Variants in L3MBTL4 observed in about 807,000 individuals in gnomAD.
The protein encoded by L3MBTL4 is L3MBTL histone methyl-lysine binding protein 4, also known as lethal(3)malignant brain tumor-like protein 4.
Under a neutral mutation model 84.5 loss-of-function variants are expected in L3MBTL4, and 70 were observed. That is an observed-to-expected ratio of 0.83 (90% confidence interval 0.68 to 1.01). L3MBTL4 has a LOEUF of 1.01. Among genes scored for constraint, L3MBTL4 ranks in the 50% least tolerant of loss-of-function variants. L3MBTL4 has a pLI of 0.00. For synonymous variants in L3MBTL4, 274 were observed against 259.8 expected (o/e 1.05, Z -0.52); for missense variants, 715 against 754.8 (o/e 0.95, Z 0.62).
chr18:5,965,664 T>C (rs1030618297), intron 17 of L3MBTL4, among the ~76,000 whole-genome samples: 1 of 152,146 alleles, frequency 6.6e-6, no homozygotes, highest in Non-Finnish European at 1.5e-5. Context: ...TTTTCAAAGA[T>C]ACAAACACAG....
chr18:5,968,587 C>T (rs1280192817), intron 17 of L3MBTL4, among the ~76,000 whole-genome samples: 1 of 152,010 alleles, frequency 6.6e-6, no homozygotes, highest in Non-Finnish European at 1.5e-5. Context: ...GTCCTAGCTA[C>T]TCAGGAGGTT....
At chr18:6,393,798 C>G (rs1001226139) in intron 1 of L3MBTL4, among the ~76,000 whole-genome samples, 1 of 152,310 alleles carries the variant, frequency 6.6e-6, no homozygotes, top group East Asian at 1.9e-4. Flanking sequence ...TTGGCCTCCA[C>G]GGCCAGTGAT....
intron 16 of L3MBTL4, among the ~76,000 whole-genome samples, chr18:6,051,399 C>T (rs2145808441): frequency 6.6e-6 from 1 of 152,218 alleles, no homozygotes; most frequent in African/African-American, 2.4e-5. Flanking sequence ...ACTAGCCAGG[C>T]ATGATGGCGC....
chr18:6,272,352 T>C (rs1219800670), intron 4 of L3MBTL4, among the ~76,000 whole-genome samples: 1 of 152,206 alleles, frequency 6.6e-6, no homozygotes, highest in African/African-American at 2.4e-5. Context: ...GGATGGCGTC[T>C]GCTAAGAGTA....
intron 16 of L3MBTL4, among the ~76,000 whole-genome samples, chr18:6,002,296 AAG>A (rs1280535654): frequency 6.6e-6 from 1 of 152,192 alleles, no homozygotes; most frequent in Admixed American, 6.5e-5. Context: ...AGAAATGCTA[AAG>A]GGAGTCCTTC....
intron 14 of L3MBTL4, among the ~76,000 whole-genome samples, chr18:6,128,122 A>C (rs1440384184): frequency 6.6e-6 from 1 of 152,068 alleles, no homozygotes; most frequent in Non-Finnish European, 1.5e-5. Flanking sequence ...TCTATCCAGC[A>C]AGAACAGGAT....
chr18:5,979,299 C>G (rs2053102695), intron 16 of L3MBTL4, among the ~76,000 whole-genome samples: 1 of 152,124 alleles, frequency 6.6e-6, no homozygotes, highest in Non-Finnish European at 1.5e-5. Context: ...CTCTTGAGGT[C>G]CAGTGTGTCT....
chr18:5,988,817 G>A (rs899401227), intron 16 of L3MBTL4, among the ~76,000 whole-genome samples: 6 of 152,142 alleles, frequency 3.9e-5, no homozygotes, highest in Admixed American at 2.0e-4. Flanking sequence ...CTAGGGGTGT[G>A]GATGGAAAGT....
intron 17 of L3MBTL4, among the ~76,000 whole-genome samples, chr18:5,962,023 C>T (rs996874583): frequency 6.6e-5 from 10 of 152,120 alleles, no homozygotes; most frequent in African/African-American, 2.4e-4. Context: ...ATGTGTGAGG[C>T]CTCATGCTGG....
At chr18:6,377,010 C>T (rs933130483) in intron 1 of L3MBTL4, among the ~76,000 whole-genome samples, 1 of 152,084 alleles carries the variant, frequency 6.6e-6, no homozygotes, top group African/African-American at 2.4e-5. Flanking sequence ...TTCTCTCAAC[C>T]AAAAGCAAAT....
At chr18:6,266,135 T>C (rs2146408664) in intron 4 of L3MBTL4, among the ~76,000 whole-genome samples, 1 of 152,302 alleles carries the variant, frequency 6.6e-6, no homozygotes, top group South Asian at 2.1e-4. Flanking sequence ...ATACAAGTTA[T>C]TCCATATATT....
intron 10 of L3MBTL4, among the ~76,000 whole-genome samples, chr18:6,230,885 G>GA (rs764688182): frequency 6.6e-6 from 1 of 151,822 alleles, no homozygotes; most frequent in Non-Finnish European, 1.5e-5. Context: ...TATGTCTTTT[G>GA]AAAAAATGTC....
chr18:6,046,936 A>T (rs539071669), intron 16 of L3MBTL4, among the ~76,000 whole-genome samples: 1 of 152,200 alleles, frequency 6.6e-6, no homozygotes, highest in Non-Finnish European at 1.5e-5. Context: ...AGACCCAAAC[A>T]TACATACAAA....
chr18:5,993,670 T>C (rs2053809480), intron 16 of L3MBTL4, among the ~76,000 whole-genome samples: 1 of 152,218 alleles, frequency 6.6e-6, no homozygotes, highest in African/African-American at 2.4e-5. Context: ...GCAAAAATTT[T>C]ACAAAATTAT....
At chr18:6,359,807 T>C (rs1458589640) in intron 1 of L3MBTL4, among the ~76,000 whole-genome samples, 2 of 152,006 alleles carry the variant, frequency 1.3e-5, no homozygotes, top group African/African-American at 4.8e-5. Context: ...AAAGAGACTG[T>C]ACATTCTCTG....
intron 1 of L3MBTL4, among the ~76,000 whole-genome samples, chr18:6,405,489 TCA>T (rs1363897962): frequency 2.6e-5 from 4 of 152,180 alleles, no homozygotes; most frequent in Non-Finnish European, 5.9e-5. Context: ...ATATTCTCAC[TCA>T]CTAACTTTTG....
chr18:6,051,075 T>C (rs1389137981), intron 16 of L3MBTL4, among the ~76,000 whole-genome samples: 1 of 152,190 alleles, frequency 6.6e-6, no homozygotes, highest in Non-Finnish European at 1.5e-5. Context: ...GCAGAACTCC[T>C]TTTGCTAGTA....
chr18:6,337,827 A>T (rs1021396501), intron 1 of L3MBTL4, among the ~76,000 whole-genome samples: 6 of 152,088 alleles, frequency 3.9e-5, no homozygotes, highest in African/African-American at 1.4e-4. Flanking sequence ...AGAAATCCAA[A>T]TCTAACCATA....
chr18:6,095,437 GCCT>G (rs1405061447), intron 14 of L3MBTL4, among the ~76,000 whole-genome samples: 75 of 143,368 alleles, frequency 5.2e-4, no homozygotes, highest in African/African-American at 1.9e-3. Flanking sequence ...TGCAAGCTCC[GCCT>G]CCCGGGTTCA....
Sources: allele counts gnomAD v4.1 joint callset (sites outside exome capture counted in the v4.1 genomes callset), GRCh38; gene constraint gnomAD v4.1.1; transcripts MANE v1.5; gene names NCBI Gene and HGNC (gene_info 2026-07-23, HGNC 2026-07-21).